The following ATOSA variants were observed in gnomAD, a reference collection of about 807,000 sequenced individuals.
ATOSA encodes the protein atos homolog A, also known as atos homolog protein A.
chr15:52,670,673 T>TA, the ATOSA span, among the ~76,000 whole-genome samples: 1 of 152,224 alleles, frequency 6.6e-6, no homozygotes, highest in African/African-American at 2.4e-5. Context: ...CTAAAAGTAA[T>TA]AAAATCCTCA....
the ATOSA span, chr15:52,609,008 C>T: frequency 3.1e-6 from 5 of 1,612,912 alleles, no homozygotes; most frequent in African/African-American, 1.3e-5. Flanking sequence ...TTATCAATTC[C>T]ATTGCTCATT....
chr15:52,648,063 CT>C, the ATOSA span, among the ~76,000 whole-genome samples: 1 of 152,090 alleles, frequency 6.6e-6, no homozygotes, highest in Non-Finnish European at 1.5e-5. Flanking sequence ...TCTCAAAATA[CT>C]GAGAAAACTC....
At chr15:52,660,829 T>C in the ATOSA span, among the ~76,000 whole-genome samples, 1 of 152,138 alleles carries the variant, frequency 6.6e-6, no homozygotes, top group African/African-American at 2.4e-5. Context: ...TTTTTTTATA[T>C]TTTTAGTAGA....
At chr15:52,608,592 C>T in the ATOSA span, 1 of 1,581,284 alleles carries the variant, frequency 6.3e-7, no homozygotes. Context: ...TTTTTGGTTG[C>T]TCACATGTAG....
the ATOSA span, among the ~76,000 whole-genome samples, chr15:52,594,210 C>T: frequency 6.6e-6 from 1 of 152,142 alleles, no homozygotes; most frequent in South Asian, 2.1e-4. Context: ...ACTTATAATT[C>T]TAACCGAGAA....
At chr15:52,634,536 T>G in the ATOSA span, among the ~76,000 whole-genome samples, 1 of 151,646 alleles carries the variant, frequency 6.6e-6, no homozygotes, top group Non-Finnish European at 1.5e-5. Context: ...CGTTGTGAGA[T>G]TAGATTTTTT....
chr15:52,620,632 T>C, the ATOSA span, among the ~76,000 whole-genome samples: 1 of 152,162 alleles, frequency 6.6e-6, no homozygotes, highest in Non-Finnish European at 1.5e-5. Context: ...ACTTGGGGAA[T>C]TGCTACTAAG....
chr15:52,609,405 G>C, the ATOSA span: 1 of 1,613,830 alleles, frequency 6.2e-7, no homozygotes, highest in African/African-American at 1.3e-5. Context: ...ACTGCCGGGG[G>C]ATATGTGATG....
At chr15:52,646,898 T>C in the ATOSA span, among the ~76,000 whole-genome samples, 3 of 149,620 alleles carry the variant, frequency 2.0e-5, no homozygotes, top group Non-Finnish European at 4.5e-5. Context: ...AAAGGGTCAG[T>C]AGAAGATGCT....
At chr15:52,698,142 A>G in the ATOSA span, among the ~76,000 whole-genome samples, 8 of 151,128 alleles carry the variant, frequency 5.3e-5, no homozygotes, top group Admixed American at 4.6e-4. Flanking sequence ...ATGCCTGGCT[A>G]ATTTTCTTTT....
the ATOSA span, chr15:52,657,049 C>T: frequency 1.3e-5 from 2 of 152,050 alleles, no homozygotes; most frequent in Non-Finnish European, 2.9e-5. Flanking sequence ...ATTTACTTGT[C>T]CCTTTGACAA....
the ATOSA span, among the ~76,000 whole-genome samples, chr15:52,662,545 C>T: frequency 7.9e-5 from 12 of 151,914 alleles, no homozygotes; most frequent in Admixed American, 1.3e-4. Context: ...CCAAGGAGGG[C>T]GGATCACAAG....
the ATOSA span, among the ~76,000 whole-genome samples, chr15:52,666,826 C>T: frequency 3.3e-5 from 5 of 151,936 alleles, no homozygotes; most frequent in African/African-American, 1.2e-4. Context: ...AAGAAATAAA[C>T]ACAGAATACC....
At chr15:52,670,795 T>TATA in the ATOSA span, among the ~76,000 whole-genome samples, 1 of 152,210 alleles carries the variant, frequency 6.6e-6, no homozygotes, top group Non-Finnish European at 1.5e-5. Context: ...TCCACATTTA[T>TATA]ATAGCATCTC....
chr15:52,666,560 A>C, the ATOSA span, among the ~76,000 whole-genome samples: 1 of 152,222 alleles, frequency 6.6e-6, no homozygotes, highest in Non-Finnish European at 1.5e-5. Context: ...TTGACACTGG[A>C]GAATTAGATC....
chr15:52,593,797 T>C, the ATOSA span: 1 of 1,459,816 alleles, frequency 6.9e-7, no homozygotes, highest in Non-Finnish European at 9.2e-7. Context: ...ATTTTTTTTC[T>C]ATTTAAAGAA....
chr15:52,600,808 G>A, the ATOSA span, among the ~76,000 whole-genome samples: 9 of 148,198 alleles, frequency 6.1e-5, no homozygotes, highest in Admixed American at 2.7e-4. Flanking sequence ...TTTTTTTTCC[G>A]TCAAAGAGTA....
At chr15:52,686,464 G>A in the ATOSA span, among the ~76,000 whole-genome samples, 1 of 152,114 alleles carries the variant, frequency 6.6e-6, no homozygotes, top group Admixed American at 6.5e-5. Flanking sequence ...CTCAATTTAA[G>A]AAAGAAAAAG....
chr15:52,659,786 T>C, the ATOSA span, among the ~76,000 whole-genome samples: 1 of 152,120 alleles, frequency 6.6e-6, no homozygotes, highest in Non-Finnish European at 1.5e-5. Context: ...GTGGGAGGTT[T>C]GCTTGAGGCC....
Sources: allele counts gnomAD v4.1 joint callset (sites outside exome capture counted in the v4.1 genomes callset), GRCh38; gene constraint gnomAD v4.1.1; transcripts MANE v1.5; gene names NCBI Gene and HGNC (gene_info 2026-07-23, HGNC 2026-07-21).